TRPM8: variants seen among roughly 807,000 people sequenced by gnomAD.
TRPM8 encodes TRPM8 cationic channel.
In TRPM8, 110 loss-of-function variants were observed where a neutral mutation model predicts 133.7. The observed-to-expected ratio is 0.82, with a 90% CI of 0.70 to 0.96. The LOEUF (loss-of-function observed/expected upper bound fraction) is 0.96, where lower values mean the gene tolerates loss of function less well. TRPM8 is among the 40% of genes least tolerant of loss of function. TRPM8 has a pLI of 0.00. For synonymous variants in TRPM8, 535 were observed against 532.3 expected (o/e 1.01, Z -0.07); for missense variants, 1,291 against 1,379.5 (o/e 0.94, Z 1.02).
In TRPM8 at chr2:233,942,580, T is replaced by C. The variant is rs751241566; in HGVS notation, c.531T>C (p.Ala177=). 8.1e-6 allele frequency: 13 copies of C among 1,614,196 alleles called. No homozygotes were observed. The Admixed American group carries it at 2.0e-4, about 25-fold the overall frequency. Residue 177 remains alanine, a synonymous_variant, in exon 6 of 26, where the codon GCT becomes GCC. Transcript: ENST00000324695. ...RLIYIAQSKG[A]WILTGGTHYG... is the part of the protein sequence containing the mutation. ...ACTCTTCCTATTTGTTGACAGGTGC[T>C]TGGATTCTCACGGGAGGCACCCATT... is the stretch of plus-strand genomic sequence containing the variant.
intron 21 of TRPM8, among the ~76,000 whole-genome samples, chr2:233,994,338 G>T (rs1223363597): frequency 6.6e-6 from 1 of 152,154 alleles, no homozygotes; most frequent in Non-Finnish European, 1.5e-5. Context: ...CGCCAGGCTG[G>T]CTGCTAGATT....
chr2:234,001,010 A>C (rs1692550909), intron 22 of TRPM8, among the ~76,000 whole-genome samples: 1 of 152,220 alleles, frequency 6.6e-6, no homozygotes, highest in Non-Finnish European at 1.5e-5. Context: ...AGGTTTAATG[A>C]AGAGTGGAAG....
rs193069104 is a variant in TRPM8, at chr2:233,985,785, G to A, written c.2859G>A (p.Glu953=). 6.2e-7 allele frequency: 1 copy of A among 1,614,214 alleles called. No individual in the cohort carries two copies. Among genetic ancestry groups the A allele is most frequent in the Admixed American group, 1.7e-5 (1 of 60,028 alleles). ...LDEHNLPRFP[E]WITIPLVCIY... is the part of the protein sequence containing the mutation. ...AGCACAACCTGCCCCGGTTCCCCGA[G>A]TGGATCACCATCCCCCTGGTGTGCA... The change falls in exon 21 of 26, where the codon GAG becomes GAA. Residue 953 remains glutamate (E), a synonymous_variant. Coordinates refer to ENST00000324695, the MANE Select transcript of TRPM8 (RefSeq NM_024080.5).
chr2:233,993,863 G>A (rs941893693), intron 21 of TRPM8, among the ~76,000 whole-genome samples: 1 of 152,076 alleles, frequency 6.6e-6, no homozygotes, highest in Non-Finnish European at 1.5e-5. Flanking sequence ...CAACATCAAT[G>A]CACAAAAATG....
chr2:233,966,277 T>G (rs1691572319), intron 14 of TRPM8: 4 of 251,214 alleles, frequency 1.6e-5, no homozygotes, highest in African/African-American at 2.3e-5. Context: ...GTGCAGAAGG[T>G]TAGATCCCTT....
chr2:233,953,812 C>T (rs1691226443), intron 9 of TRPM8, 105 bp from the exon 10 acceptor site: 1 of 739,020 alleles, frequency 1.4e-6, no homozygotes, highest in Non-Finnish European at 2.2e-6. Context: ...TCCGGAACTC[C>T]ACTACAGGTG....
chr2:233,955,543 G>A (rs1691273382), intron 11 of TRPM8: 1 of 225,908 alleles, frequency 4.4e-6, no homozygotes, highest in African/African-American at 2.3e-5. Flanking sequence ...GTGTAGAGAT[G>A]CAGATCTCCT....
At chr2:233,957,383 G>C (rs969238031) in intron 11 of TRPM8, among the ~76,000 whole-genome samples, 1 of 151,938 alleles carries the variant, frequency 6.6e-6, no homozygotes, top group Non-Finnish European at 1.5e-5. Flanking sequence ...AGGCTACTTA[G>C]GTGGCTGAGG....
intron 18 of TRPM8, 26 bp downstream of exon 18, chr2:233,980,305 A>C: frequency 1.3e-6 from 2 of 1,518,190 alleles, no homozygotes; most frequent in East Asian, 2.3e-5. Context: ...ACTTTTCCTA[A>C]TTTTCTGTGT....
intron 14 of TRPM8, among the ~76,000 whole-genome samples, 187 bp from the exon 15 acceptor site, chr2:233,966,423 T>C (rs1221075959): frequency 6.6e-6 from 1 of 152,218 alleles, no homozygotes; most frequent in Non-Finnish European, 1.5e-5. Flanking sequence ...TGGGTTTGTC[T>C]TGCCTTCAGA....
At chr2:233,934,136 TA>T (rs1691737670) in intron 3 of TRPM8, among the ~76,000 whole-genome samples, 1 of 152,188 alleles carries the variant, frequency 6.6e-6, no homozygotes, top group Admixed American at 6.5e-5. Context: ...GGATTTACTA[TA>T]AGGAAAAAGA....
chr2:233,963,057 C>A (rs1487238596), intron 12 of TRPM8, among the ~76,000 whole-genome samples: 1 of 152,120 alleles, frequency 6.6e-6, no homozygotes, highest in South Asian at 2.1e-4. Context: ...ACCCTTTATA[C>A]CTTTTCATCT....
At chr2:233,979,936 G>A (rs184004482) in intron 17 of TRPM8, among the ~76,000 whole-genome samples, 52 of 152,294 alleles carry the variant, frequency 3.4e-4, no homozygotes, top group South Asian at 6.2e-4. Context: ...AAAATGGTGA[G>A]GATACATCCA....
chr2:234,000,459 T>C (rs1574781207), intron 22 of TRPM8, among the ~76,000 whole-genome samples: 1 of 152,136 alleles, frequency 6.6e-6, no homozygotes, highest in East Asian at 1.9e-4. Context: ...AAAATGACCT[T>C]TGGCAATTTG....
intron 3 of TRPM8, among the ~76,000 whole-genome samples, chr2:233,931,176 G>A (rs1392397174): frequency 1.3e-5 from 2 of 152,154 alleles, no homozygotes; most frequent in Non-Finnish European, 2.9e-5. Context: ...TCTGCTCTAA[G>A]TCTCATGTGT....
At chr2:233,954,468 G>A (rs1396149086) in intron 10 of TRPM8, among the ~76,000 whole-genome samples, 1 of 152,148 alleles carries the variant, frequency 6.6e-6, no homozygotes, top group East Asian at 1.9e-4. Context: ...ATGAACCTCA[G>A]GTTAAAAAAT....
At chr2:233,969,469 A>T (rs1373365936) in intron 15 of TRPM8, among the ~76,000 whole-genome samples, 1 of 152,210 alleles carries the variant, frequency 6.6e-6, no homozygotes, top group African/African-American at 2.4e-5. Flanking sequence ...CCTGGGCAGC[A>T]AGCGTGAAAC....
At chr2:233,932,882 G>A (rs1691708292) in intron 3 of TRPM8, among the ~76,000 whole-genome samples, 1 of 149,650 alleles carries the variant, frequency 6.7e-6, no homozygotes, top group Non-Finnish European at 1.5e-5. Context: ...TAATTTTATT[G>A]ATACCCTGGT....
chr2:233,934,391 G>A (rs570164750), intron 3 of TRPM8, among the ~76,000 whole-genome samples: 14 of 152,200 alleles, frequency 9.2e-5, no homozygotes, highest in Non-Finnish European at 1.6e-4. Flanking sequence ...CTTAAGAAAG[G>A]GATGCCTATG....
Sources: gnomAD v4.1 joint callset for allele counts (sites outside exome capture counted in the v4.1 genomes callset) on GRCh38, gnomAD v4.1.1 for gene constraint, MANE v1.5 for transcripts, NCBI Gene and HGNC (gene_info 2026-07-23, HGNC 2026-07-21) for gene names.